The following CDYL2 variants were observed in gnomAD, a reference collection of about 807,000 sequenced individuals.
The protein encoded by CDYL2 is chromodomain Y like 2, also known as chromodomain Y-like protein 2.
Under a neutral mutation model 49.4 loss-of-function variants are expected in CDYL2, and 23 were observed. That is an observed-to-expected ratio of 0.47 (90% confidence interval 0.34 to 0.66). The LOEUF is 0.66. CDYL2 is among the 30% of genes least tolerant of loss of function. CDYL2 has a pLI of 0.01. For synonymous variants in CDYL2, 360 were observed against 268.8 expected (o/e 1.34, Z -3.32); for missense variants, 678 against 656.4 (o/e 1.03, Z -0.36).
At chr16:80,707,438 G>C (rs557863620) in intron 1 of CDYL2, among the ~76,000 whole-genome samples, 1 of 152,276 alleles carries the variant, frequency 6.6e-6, no homozygotes, top group African/African-American at 2.4e-5. Context: ...TCCAGCCTAG[G>C]CGACAGAGAG....
intron 1 of CDYL2, among the ~76,000 whole-genome samples, chr16:80,748,938 A>T (rs548460481): frequency 6.6e-6 from 1 of 152,360 alleles, no homozygotes; most frequent in African/African-American, 2.4e-5. Flanking sequence ...CTAATTTTAC[A>T]TTCTTTCTGT....
chr16:80,619,832 C>A (rs768884211), intron 4 of CDYL2, among the ~76,000 whole-genome samples: 5 of 152,128 alleles, frequency 3.3e-5, no homozygotes, highest in Non-Finnish European at 7.4e-5. Flanking sequence ...ACAAGAGCAT[C>A]CTAGCATCAC....
intron 1 of CDYL2, among the ~76,000 whole-genome samples, chr16:80,695,399 A>G (rs957789733): frequency 6.6e-6 from 1 of 152,246 alleles, no homozygotes; most frequent in Non-Finnish European, 1.5e-5. Flanking sequence ...GTCCTAACCT[A>G]TCAATAATAA....
chr16:80,686,559 T>G (rs180809763), intron 1 of CDYL2, among the ~76,000 whole-genome samples: 7 of 152,164 alleles, frequency 4.6e-5, no homozygotes, highest in African/African-American at 9.7e-5. Flanking sequence ...ACAGTCATAG[T>G]TGATAATTGT....
chr16:80,743,275 G>A (rs555467695), intron 1 of CDYL2, among the ~76,000 whole-genome samples: 3 of 152,094 alleles, frequency 2.0e-5, no homozygotes, highest in Admixed American at 6.5e-5. Flanking sequence ...AATGGTAAGC[G>A]CAGACATTGT....
intron 2 of CDYL2, among the ~76,000 whole-genome samples, chr16:80,672,710 G>A (rs16953801): frequency 0.016 from 2,429 of 152,252 alleles, 76 homozygotes; most frequent in African/African-American, 0.056. Flanking sequence ...ACTTTGTAAA[G>A]CCTCCATTTC....
intron 1 of CDYL2, among the ~76,000 whole-genome samples, chr16:80,778,190 A>G (rs1030697913): frequency 2.6e-5 from 4 of 152,156 alleles, no homozygotes; most frequent in East Asian, 1.9e-4. Flanking sequence ...CTTTATATCA[A>G]TAGCCACTTC....
At chr16:80,743,756 G>C (rs1324452604) in intron 1 of CDYL2, among the ~76,000 whole-genome samples, 1 of 151,714 alleles carries the variant, frequency 6.6e-6, no homozygotes, top group African/African-American at 2.4e-5. Flanking sequence ...AGTTCAAATT[G>C]TTTTAGTATT....
chr16:80,750,969 A>G (rs1408362229), intron 1 of CDYL2, among the ~76,000 whole-genome samples: 2 of 152,116 alleles, frequency 1.3e-5, no homozygotes, highest in Non-Finnish European at 2.9e-5. Flanking sequence ...GCAGTGAGCC[A>G]AGATCGCACC....
chr16:80,804,498 G>A lies in CDYL2; in HGVS notation c.-325C>T, dbSNP rs1908039069. 6.9e-6 allele frequency among the ~76,000 whole-genome samples: 1 copy of A among 144,580 alleles called. No individual in the cohort carries two copies. The highest frequency in any genetic ancestry group is 2.5e-5 in the African/African-American group (1 of 40,422). 94.9% of individuals were successfully genotyped at this position (144,580 alleles called of 152,430 possible). On this transcript the variant is annotated 5_prime_UTR_variant, in exon 1 of 7. Coordinates refer to ENST00000570137, the MANE Select transcript of CDYL2 (RefSeq NM_152342.4). The stretch of plus-strand genomic sequence containing the variant: ...CCGAGCGCCGCGGCCCCCGCGACCC[G>A]GCGACCCGGCGGCGGTGGCTGCAGC...
At chr16:80,770,874 C>G (rs1567601666) in intron 1 of CDYL2, among the ~76,000 whole-genome samples, 1 of 152,124 alleles carries the variant, frequency 6.6e-6, no homozygotes, top group Non-Finnish European at 1.5e-5. Flanking sequence ...AACGATTAGA[C>G]AGCCAAGATC....
rs1207748258 is a variant in CDYL2 at position 80,704,936 on chromosome 16, G to C, written c.25-19807C>G. On this transcript the variant is annotated intron_variant, in intron 1 of 6. Coordinates refer to ENST00000570137, the MANE Select transcript of CDYL2 (RefSeq NM_152342.4). ...GCCACCCAGGGGTATGGCAGGTGGA[G>C]AAGTTGGCCAAGGTAGGGGCTCCCT... 2.0e-5 allele frequency among the ~76,000 whole-genome samples: 3 copies of C among 152,204 alleles called. No individual in the cohort carries two copies. The East Asian group carries it at 5.8e-4, about 29-fold the overall frequency.
intron 1 of CDYL2, among the ~76,000 whole-genome samples, chr16:80,738,474 T>A (rs1028199247): frequency 1.3e-5 from 2 of 152,076 alleles, no homozygotes. Context: ...CTAGGAGAAT[T>A]AGAAAATATT....
In CDYL2 at chr16:80,742,667, A is replaced by G. The variant is rs117425190; in HGVS notation, c.25-57538T>C. 2.2e-3 allele frequency among the ~76,000 whole-genome samples: 326 copies of G among 151,010 alleles called. 15 individuals carry two copies. The East Asian group carries it at 0.054, about 25-fold the overall frequency. On this transcript the variant is annotated intron_variant, in intron 1 of 6. Coordinates refer to ENST00000570137, the MANE Select transcript of CDYL2 (RefSeq NM_152342.4). ...ATGGAGGATAGATAGGTGGATGGGTAGAAAGGGTGGATGAATGGGTAGGTG... is the reference window on the plus strand; with the variant it reads ...ATGGAGGATAGATAGGTGGATGGGTGGAAAGGGTGGATGAATGGGTAGGTG...
At position 80,620,749 on chromosome 16, in the gene CDYL2, G is replaced by A; in HGVS notation, c.1007+14C>T. On this transcript the variant is annotated intron_variant, in intron 4 of 6. Transcript: ENST00000570137. Reference sequence around the variant, plus strand: ...CGCAGGACCCCAGGGTGTGTGAAAAGGAGCACAGCTCACCTGATGGCTTCT... The same window carrying A: ...CGCAGGACCCCAGGGTGTGTGAAAAAGAGCACAGCTCACCTGATGGCTTCT... The A allele has an allele frequency of 6.4e-7, 1 of 1,570,018 alleles. No homozygotes were observed.
Position 80,705,792 on chromosome 16 carries a change from A to G in CDYL2, c.25-20663T>C, listed in dbSNP as rs534334835. Among the ~76,000 whole-genome samples, 11 of 152,404 alleles carry G rather than the reference A, an allele frequency of 7.2e-5. No homozygotes were observed. The East Asian group carries it at 1.7e-3, about 24-fold the overall frequency. On this transcript the variant is annotated intron_variant, in intron 1 of 6. Transcript: ENST00000570137. ...TAAACAAATGTGGCTGTGTTCCAATAAAACTTTATTTATAAAAACAAATGG... is the reference window on the plus strand; with the variant it reads ...TAAACAAATGTGGCTGTGTTCCAATGAAACTTTATTTATAAAAACAAATGG...
In CDYL2 at chr16:80,661,014, C is replaced by G. The variant is rs116531308; in HGVS notation, c.616+23524G>C. On this transcript the variant is annotated intron_variant, in intron 2 of 6. Coordinates refer to ENST00000570137, the MANE Select transcript of CDYL2 (RefSeq NM_152342.4). ...CTGGGGTTGGGGTGAGGCCACAGAGCCTGAGACAGACAAGGACAGACCGTA... is the reference window on the plus strand; with the variant it reads ...CTGGGGTTGGGGTGAGGCCACAGAGGCTGAGACAGACAAGGACAGACCGTA... Among the ~76,000 whole-genome samples the G allele has an allele frequency of 3.7e-3, 568 of 152,174 alleles. 5 individuals are homozygous for G. Among genetic ancestry groups the G allele is most frequent in the African/African-American group, 0.013 (543 of 41,504 alleles).
intron 1 of CDYL2, 117 bp downstream of exon 1, chr16:80,804,033 G>T: frequency 1.4e-6 from 1 of 740,256 alleles, no homozygotes; most frequent in Non-Finnish European, 1.6e-6. Flanking sequence ...CGCCGCCGCG[G>T]GCTCGGCAAC....
chr16:80,607,935 C>A (rs1239928970), intron 6 of CDYL2, among the ~76,000 whole-genome samples, 157 bp downstream of exon 6: 1 of 152,166 alleles, frequency 6.6e-6, no homozygotes, highest in African/African-American at 2.4e-5. Flanking sequence ...TTGAAGCTGT[C>A]AATACTGAGA....
Sources: allele counts gnomAD v4.1 joint callset (sites outside exome capture counted in the v4.1 genomes callset), GRCh38; gene constraint gnomAD v4.1.1; transcripts MANE v1.5; gene names NCBI Gene and HGNC (gene_info 2026-07-23, HGNC 2026-07-21).